BRAF: variants seen among roughly 807,000 people sequenced by gnomAD.
BRAF encodes B-Raf proto-oncogene, serine/threonine kinase, also known as serine/threonine-protein kinase B-raf.
Under a neutral mutation model 104.6 loss-of-function variants are expected in BRAF, and 16 were observed. That is an observed-to-expected ratio of 0.15 (90% CI 0.10 to 0.23). The LOEUF is 0.23. BRAF is among the 10% of genes least tolerant of loss of function. The probability of loss-of-function intolerance (pLI) is 1.00; values close to 1 mark genes in which losing one functional copy is unlikely to be tolerated. For synonymous variants in BRAF, 310 were observed against 341.6 expected (o/e 0.91, Z 1.02); for missense variants, 541 against 937.3 (o/e 0.58, Z 5.52).
intron 14 of BRAF, among the ~76,000 whole-genome samples, chr7:140,771,474 G>A (rs1440276827): frequency 6.6e-6 from 1 of 152,168 alleles, no homozygotes; most frequent in East Asian, 1.9e-4. Context: ...GATTACAGGT[G>A]TGAGCCACCG....
At chr7:140,746,855 A>G (rs931019917) in intron 17 of BRAF, among the ~76,000 whole-genome samples, 9 of 151,826 alleles carry the variant, frequency 5.9e-5, no homozygotes, top group African/African-American at 2.2e-4. Context: ...GAAAAAAGAA[A>G]AAAAAAAGAT....
In BRAF at chr7:140,924,440, C is replaced by G. The variant is rs1478356591; in HGVS notation, c.138+126G>C. 7.2e-7 allele frequency: 1 copy of G among 1,395,582 alleles called. No individual in the cohort carries two copies. The highest frequency in any genetic ancestry group is 2.5e-5 in the East Asian group (1 of 39,324). The allele number at this position is 1,395,582 out of a possible 1,614,324, so 86.4% of individuals were successfully genotyped here. A position where few individuals can be genotyped will look rare whatever the true frequency, so the allele number is the denominator to read the frequency against. Reference sequence around the variant, plus strand: ...ACGGGGGCGATGCCCACCTCCCAGCCCGCGGAGCTGGCCCGAGAAGGTGGC... The same window carrying G: ...ACGGGGGCGATGCCCACCTCCCAGCGCGCGGAGCTGGCCCGAGAAGGTGGC... On this transcript the variant is annotated intron_variant, in intron 1 of 19. Transcript: ENST00000644969. The surrounding 1 kb of genome is among the most constrained non-coding windows in gnomAD (Gnocchi z 4.2).
At chr7:140,839,191 T>C (rs13241719) in intron 2 of BRAF, among the ~76,000 whole-genome samples, 32,031 of 151,936 alleles carry the variant, frequency 0.21, 4,529 homozygotes, top group Non-Finnish European at 0.32. Flanking sequence ...TAACTCGAAA[T>C]AGGCCAGGCA....
intron 19 of BRAF, among the ~76,000 whole-genome samples, chr7:140,729,198 G>A (rs1795792713): frequency 6.6e-6 from 1 of 152,032 alleles, no homozygotes; most frequent in African/African-American, 2.4e-5. Context: ...TTGTACCACT[G>A]CACTCCAGCC....
chr7:140,917,298 TG>T (rs1817731726), intron 1 of BRAF, among the ~76,000 whole-genome samples: 2 of 152,154 alleles, frequency 1.3e-5, no homozygotes, highest in Non-Finnish European at 2.9e-5. Context: ...TGACCTCAGG[TG>T]ATCTGCCCTC....
intron 8 of BRAF, among the ~76,000 whole-genome samples, chr7:140,789,210 G>GA (rs547664211): frequency 1.2e-4 from 17 of 145,028 alleles, no homozygotes; most frequent in South Asian, 4.5e-4. Context: ...CTCCATCACA[G>GA]AAAAAAAACA....
chr7:140,890,281 A>T, intron 1 of BRAF, among the ~76,000 whole-genome samples: 1 of 152,344 alleles, frequency 6.6e-6, no homozygotes, highest in Non-Finnish European at 1.5e-5. Context: ...TAAGTGGCAC[A>T]TTATTACTAT....
intron 19 of BRAF, chr7:140,734,542 T>C: frequency 6.2e-7 from 1 of 1,612,114 alleles, no homozygotes; most frequent in Admixed American, 1.7e-5. Flanking sequence ...AGCAAACATA[T>C]GTTCATTTAT....
At chr7:140,762,753 G>A (rs1248337759) in intron 14 of BRAF, among the ~76,000 whole-genome samples, 3 of 151,986 alleles carry the variant, frequency 2.0e-5, no homozygotes, top group Non-Finnish European at 4.4e-5. Flanking sequence ...AGGACCCTGC[G>A]GCCTTCCGCA....
At chr7:140,754,473 A>G (rs577995603) in intron 14 of BRAF, among the ~76,000 whole-genome samples, 4 of 152,144 alleles carry the variant, frequency 2.6e-5, no homozygotes, top group Non-Finnish European at 5.9e-5. Flanking sequence ...ACTTTGCTTT[A>G]TCTTTTACTA....
At chr7:140,764,178 C>A (rs994791980) in intron 14 of BRAF, among the ~76,000 whole-genome samples, 1 of 151,180 alleles carries the variant, frequency 6.6e-6, no homozygotes, top group African/African-American at 2.4e-5. Context: ...AGCATATAAA[C>A]AGAACCAAAG....
Position 140,842,296 on chromosome 7 carries a change from C to A in BRAF, c.241-7424G>T, listed in dbSNP as rs561534207. On this transcript the variant is annotated intron_variant, in intron 2 of 19. Coordinates refer to ENST00000644969, the MANE Select transcript of BRAF (RefSeq NM_001374258.1). ...ATTAAATCCCTCTGTGCCTGAATTG[C>A]TTCATTTATAAAATGAAAATGAGAA... Among the ~76,000 whole-genome samples the A allele has an allele frequency of 1.1e-4, 16 of 152,252 alleles. No individual in the cohort carries two copies. In the South Asian group the frequency reaches 1.5e-3, roughly 14 times the overall value.
intron 12 of BRAF, among the ~76,000 whole-genome samples, chr7:140,780,188 A>C (rs148719870): frequency 1.2e-4 from 19 of 152,164 alleles, no homozygotes; most frequent in African/African-American, 3.9e-4. Context: ...TTTAGTGTGA[A>C]TATTTATGAA....
At chr7:140,884,910 G>GA (rs1023570903) in intron 1 of BRAF, among the ~76,000 whole-genome samples, 1 of 151,880 alleles carries the variant, frequency 6.6e-6, no homozygotes, top group African/African-American at 2.4e-5. Context: ...ATTTTTTAAT[G>GA]AAAAAAATAA....
At chr7:140,817,356 T>C (rs1804988183) in intron 3 of BRAF, among the ~76,000 whole-genome samples, 1 of 152,156 alleles carries the variant, frequency 6.6e-6, no homozygotes, top group Non-Finnish European at 1.5e-5. Context: ...GAAGAATCAA[T>C]ATTGCTAAAG....
intron 5 of BRAF, among the ~76,000 whole-genome samples, chr7:140,805,290 C>T (rs1803547568): frequency 6.6e-6 from 1 of 152,128 alleles, no homozygotes; most frequent in Non-Finnish European, 1.5e-5. Flanking sequence ...GGATATAAAA[C>T]AGGTAAATGT....
At chr7:140,802,509 G>C (rs1803237519) in intron 5 of BRAF, among the ~76,000 whole-genome samples, 2 of 151,912 alleles carry the variant, frequency 1.3e-5, no homozygotes, top group South Asian at 4.2e-4. Context: ...TGTTGACCAG[G>C]CTGGTCTTGA....
At chr7:140,869,636 C>CAAAAA (rs56186470) in intron 1 of BRAF, among the ~76,000 whole-genome samples, 1 of 94,458 alleles carries the variant, frequency 1.1e-5, no homozygotes, top group Admixed American at 1.1e-4. Context: ...CTGTCTCAAA[C>CAAAAA]AAAAAAAAAA....
At chr7:140,888,831 G>A (rs920347259) in intron 1 of BRAF, among the ~76,000 whole-genome samples, 1 of 146,704 alleles carries the variant, frequency 6.8e-6, no homozygotes, top group Non-Finnish European at 1.5e-5. Flanking sequence ...GCAAAACTCC[G>A]TCTTAAAAAA....
Sources: gnomAD v4.1 joint callset for allele counts (sites outside exome capture counted in the v4.1 genomes callset) on GRCh38, gnomAD v4.1.1 for gene constraint, Gnocchi (gnomAD v3.1) non-coding constraint, MANE v1.5 for transcripts, NCBI Gene and HGNC (gene_info 2026-07-23, HGNC 2026-07-21) for gene names.